NGEF: variants seen among roughly 807,000 people sequenced by gnomAD.
NGEF encodes the protein ephexin-1.
Under a neutral mutation model 80.9 loss-of-function variants are expected in NGEF, and 31 were observed. The observed-to-expected ratio is 0.38, with a 90% CI of 0.29 to 0.52. The LOEUF (loss-of-function observed/expected upper bound fraction) is 0.52. Ranked by LOEUF, NGEF falls within the 20% of genes least tolerant of loss-of-function variation. NGEF has a pLI of 0.84. For missense variants in NGEF, 709 were observed against 926.2 expected (o/e 0.77, Z 3.04); for synonymous variants, 371 against 370.2 (o/e 1.00, Z -0.03).
chr2:233,005,272 G>T (rs546229722), intron 1 of NGEF, among the ~76,000 whole-genome samples: 2 of 152,188 alleles, frequency 1.3e-5, no homozygotes, highest in African/African-American at 4.8e-5. Context: ...CTGGCAGGTC[G>T]CTCCGCAGAT....
Position 232,900,194 on chromosome 2 carries a change from T to G in NGEF, c.829-5278A>C, listed in dbSNP as rs1380992028. Reference sequence around the variant, plus strand: ...CGTTCACTCACATTCACACACACGCTCTCACAGTCACTCATATACACGTTC... The same window carrying G: ...CGTTCACTCACATTCACACACACGCGCTCACAGTCACTCATATACACGTTC... On this transcript the variant is annotated intron_variant, in intron 5 of 14. Coordinates refer to ENST00000264051, the MANE Select transcript of NGEF (RefSeq NM_019850.3). Among the ~76,000 whole-genome samples the G allele has an allele frequency of 2.3e-3, 253 of 108,888 alleles. 3 individuals carry two copies. Among genetic ancestry groups the G allele is most frequent in the African/African-American group, 6.1e-3 (152 of 24,790 alleles). 71.4% of individuals were successfully genotyped at this position (108,888 alleles called of 152,430 possible).
chr2:232,883,205 G>C (rs967236676), intron 12 of NGEF, 106 bp downstream of exon 12: 65 of 1,333,262 alleles, frequency 4.9e-5, no homozygotes, highest in African/African-American at 3.2e-4. Context: ...GCTCCACACA[G>C]AGCGTGTGTG....
intron 3 of NGEF, among the ~76,000 whole-genome samples, chr2:232,964,327 T>C (rs903100349): frequency 2.0e-5 from 3 of 152,202 alleles, no homozygotes; most frequent in African/African-American, 7.2e-5. Flanking sequence ...GGCTGAAAAC[T>C]GGAAACAATT....
At chr2:232,968,653 G>T (rs1015922358) in intron 3 of NGEF, among the ~76,000 whole-genome samples, 1 of 151,736 alleles carries the variant, frequency 6.6e-6, no homozygotes, top group East Asian at 1.9e-4. Flanking sequence ...TGATCCACCC[G>T]CCTCAGTCTT....
chr2:232,986,348 C>T (rs1694531640), intron 1 of NGEF, among the ~76,000 whole-genome samples: 1 of 152,204 alleles, frequency 6.6e-6, no homozygotes, highest in Admixed American at 6.5e-5. Context: ...GACCCAGCAA[C>T]CCCACTTCTG....
chr2:232,995,679 A>ATAGTGTATATATGTAT, intron 1 of NGEF, among the ~76,000 whole-genome samples: 1 of 81,786 alleles, frequency 1.2e-5, no homozygotes, highest in African/African-American at 3.3e-5. Flanking sequence ...TATATGTATT[A>ATAGTGTATATATGTAT]TATATATTAT....
chr2:232,998,835 C>T (rs1486621024), intron 1 of NGEF, among the ~76,000 whole-genome samples: 1 of 152,156 alleles, frequency 6.6e-6, no homozygotes, highest in African/African-American at 2.4e-5. Context: ...TCTCCCTGGG[C>T]ACTCGACACA....
intron 1 of NGEF, among the ~76,000 whole-genome samples, chr2:233,010,961 A>G (rs1037881645): frequency 6.6e-6 from 1 of 152,064 alleles, no homozygotes; most frequent in Non-Finnish European, 1.5e-5. Context: ...ATGGTAGCAG[A>G]GGGGGCTTAG....
intron 3 of NGEF, among the ~76,000 whole-genome samples, chr2:232,940,072 G>A (rs569716788): frequency 4.6e-5 from 7 of 152,144 alleles, no homozygotes; most frequent in Non-Finnish European, 7.4e-5. Context: ...TAGGAGAGAT[G>A]TTTGAGACAC....
rs1293653144 is a variant in NGEF at position 232,885,329 on chromosome 2, C to T, written c.1388G>A (p.Arg463His). ...CTGAATGCTGATCATCTGTTCCGTG[C>T]GGCTCATTTTCCTGACGCCCTCGTT... ...ACNEGVRKMS[R>H]TEQMISIQKK... The change falls in exon 10 of 15, where the codon CGC (arginine) becomes CAC (histidine). Residue 463 changes from arginine (R) to histidine (H), a missense_variant. Transcript: ENST00000264051. The T allele has an allele frequency of 2.5e-6, 4 of 1,614,126 alleles. No homozygotes were observed. The highest frequency in any genetic ancestry group is 1.1e-5 in the South Asian group (1 of 91,080).
intron 14 of NGEF, 87 bp downstream of exon 14, chr2:232,881,059 G>T (rs1212960534): frequency 3.0e-6 from 3 of 1,009,914 alleles, no homozygotes; most frequent in Non-Finnish European, 4.6e-6. Flanking sequence ...CTGTCAGACA[G>T]TGGTGGCATC....
At chr2:232,884,183 AAT>A in intron 10 of NGEF, 39 bp from the exon 11 acceptor site, 3 of 1,530,216 alleles carry the variant, frequency 2.0e-6, no homozygotes, top group Non-Finnish European at 2.6e-6. Flanking sequence ...CTGTGCCCAC[AAT>A]GTCCCTCCCC....
rs765780741 is a variant in NGEF at position 232,925,938 on chromosome 2, C to T, written c.526+1106G>A. The stretch of plus-strand genomic sequence containing the variant: ...ACTGGGAACAAAATTCCGGAGTCAG[C>T]GCGGCTTAACAGCATGCAGTGTGCG... On this transcript the variant is annotated intron_variant, in intron 4 of 14. Coordinates refer to ENST00000264051, the MANE Select transcript of NGEF (RefSeq NM_019850.3). Among the ~76,000 whole-genome samples, 113 of 152,172 alleles carry T rather than the reference C, an allele frequency of 7.4e-4. 2 individuals are homozygous for T. Among genetic ancestry groups the T allele is most frequent in the Non-Finnish European group, 2.6e-4 (18 of 68,036 alleles).
intron 5 of NGEF, among the ~76,000 whole-genome samples, chr2:232,913,172 C>A: frequency 6.6e-6 from 1 of 152,136 alleles, no homozygotes; most frequent in East Asian, 1.9e-4. Context: ...TTGCTGCATC[C>A]CACTTGGTAT....
chr2:232,913,791 G>A (rs565564477), intron 5 of NGEF, among the ~76,000 whole-genome samples: 11 of 151,950 alleles, frequency 7.2e-5, no homozygotes, highest in Non-Finnish European at 1.3e-4. Flanking sequence ...GTGGTGGCAC[G>A]TGCCTGTAAT....
intron 2 of NGEF, among the ~76,000 whole-genome samples, chr2:232,973,151 T>C (rs1694228494): frequency 6.6e-6 from 1 of 152,146 alleles, no homozygotes; most frequent in African/African-American, 2.4e-5. Context: ...TTTGCCTTTA[T>C]CTCTCCTGTA....
chr2:232,965,435 G>A (rs1393087457), intron 3 of NGEF, among the ~76,000 whole-genome samples: 2 of 152,214 alleles, frequency 1.3e-5, no homozygotes, highest in African/African-American at 2.4e-5. Context: ...CAGTGACACA[G>A]AGATGTGGGC....
intron 1 of NGEF, among the ~76,000 whole-genome samples, chr2:232,977,460 G>A (rs949959370): frequency 6.6e-6 from 1 of 152,206 alleles, no homozygotes; most frequent in Non-Finnish European, 1.5e-5. Flanking sequence ...GATGGAGGCT[G>A]GAGGCGCTGT....
chr2:233,003,113 G>A (rs1457129390), intron 1 of NGEF, among the ~76,000 whole-genome samples: 1 of 152,168 alleles, frequency 6.6e-6, no homozygotes, highest in African/African-American at 2.4e-5. Context: ...GATTGCCCAT[G>A]CCCAGGAATC....
Sources: allele counts gnomAD v4.1 joint callset (sites outside exome capture counted in the v4.1 genomes callset), GRCh38; gene constraint gnomAD v4.1.1; transcripts MANE v1.5; gene names NCBI Gene and HGNC (gene_info 2026-07-23, HGNC 2026-07-21).